Variants in GPATCH8 observed in about 807,000 individuals in gnomAD.
The protein encoded by GPATCH8 is G patch domain-containing protein 8.
A neutral mutation model predicts 118.3 loss-of-function variants in GPATCH8; 18 were observed. That is an observed-to-expected ratio of 0.15 (90% CI 0.11 to 0.23). The LOEUF (loss-of-function observed/expected upper bound fraction) is 0.23, where lower values mean the gene tolerates loss of function less well. GPATCH8 is among the 10% of genes least tolerant of loss of function. The probability of loss-of-function intolerance (pLI) is 1.00; values close to 1 mark genes in which losing one functional copy is unlikely to be tolerated. For synonymous variants in GPATCH8, 659 were observed against 684.7 expected, an observed-to-expected ratio of 0.96 and a Z score of 0.59; for missense variants, 1,631 against 1,873.8, an observed-to-expected ratio of 0.87 and a Z score of 2.39.
chr17:44,499,325 C>G (rs925470837), intron 1 of GPATCH8, among the ~76,000 whole-genome samples: 6 of 152,116 alleles, frequency 3.9e-5, no homozygotes, highest in African/African-American at 1.4e-4. Context: ...AAAAAATTAG[C>G]TGGACATGGT....
At position 44,399,519 on chromosome 17, in the gene GPATCH8, C is replaced by T. The variant is rs111563656; in HGVS notation, c.2558G>A (p.Arg853His). The T allele has an allele frequency of 2.0e-4, 323 of 1,614,210 alleles. No homozygotes were observed. In the African/African-American group the frequency reaches 3.7e-3, roughly 18 times the overall value. The change falls in exon 8 of 8, where the codon CGC becomes CAC. Residue 853 changes from arginine to histidine, a missense_variant. Around this residue, in one of 8 missense-constraint regions of GPATCH8, gnomAD observed 922 missense variants for 879.7 expected, o/e 1.05. Coordinates refer to ENST00000591680, the MANE Select transcript of GPATCH8 (RefSeq NM_001002909.4). ...EDSGSEHSRS[R>H]SRSGRRHSSH... ...GGAATGGCGCCGGCCAGACCTTGAGCGGCTGCGGGAATGCTCACTGCCTGA... is the reference window on the plus strand; with the variant it reads ...GGAATGGCGCCGGCCAGACCTTGAGTGGCTGCGGGAATGCTCACTGCCTGA...
chr17:44,477,611 T>G (rs1176866743), intron 1 of GPATCH8, among the ~76,000 whole-genome samples: 4 of 134,024 alleles, frequency 3.0e-5, no homozygotes, highest in African/African-American at 1.1e-4. Flanking sequence ...ATAATAAAAA[T>G]AAAATTGTAT....
chr17:44,416,227 T>G (rs2049678107), intron 6 of GPATCH8, among the ~76,000 whole-genome samples: 1 of 152,120 alleles, frequency 6.6e-6, no homozygotes, highest in Admixed American at 6.5e-5. Flanking sequence ...GCCAGGCTGG[T>G]CTCGAACTTC....
At chr17:44,433,162 A>T (rs563313608) in intron 5 of GPATCH8, among the ~76,000 whole-genome samples, 2 of 152,306 alleles carry the variant, frequency 1.3e-5, no homozygotes, top group South Asian at 4.1e-4. Context: ...GAGCATCTCA[A>T]GATACTATGT....
intron 6 of GPATCH8, among the ~76,000 whole-genome samples, chr17:44,421,720 CTTTT>C (rs778794771): frequency 1.5e-4 from 22 of 147,072 alleles, no homozygotes; most frequent in Non-Finnish European, 3.0e-4. Context: ...ACCTTTCTTT[CTTTT>C]TCTTTTTTCT....
chr17:44,396,455 A>G lies in GPATCH8; in HGVS notation c.*1113T>C, dbSNP rs2048782199. On this transcript the variant is annotated 3_prime_UTR_variant, in exon 8 of 8. Coordinates refer to ENST00000591680, the MANE Select transcript of GPATCH8 (RefSeq NM_001002909.4). ...CACTACATACTGCAAATTACTTAAC[A>G]TTTTGTCCCAGCAAAAAATGTTTTA... The G allele has an allele frequency of 2.2e-6, 1 of 454,186 alleles. No homozygotes were observed. The highest frequency in any genetic ancestry group is 2.0e-5 in the African/African-American group (1 of 50,002). The allele number at this position is 454,186 out of a possible 1,614,324, so 28.1% of individuals were successfully genotyped here.
chr17:44,413,506 G>C (rs887909099), intron 6 of GPATCH8, among the ~76,000 whole-genome samples: 1 of 151,978 alleles, frequency 6.6e-6, no homozygotes, highest in Admixed American at 6.6e-5. Context: ...CCTTGAGACA[G>C]AGTCTCACTC....
chr17:44,442,097 G>GTA (rs1391503798), intron 3 of GPATCH8, among the ~76,000 whole-genome samples: 4 of 108,450 alleles, frequency 3.7e-5, no homozygotes, highest in African/African-American at 9.7e-5. Flanking sequence ...ATATGTATAC[G>GTA]TATATATATA....
rs2143595440 is a variant in GPATCH8 at position 44,398,931 on chromosome 17, T to C, written c.3146A>G (p.Lys1049Arg). 2 of 1,614,182 alleles carry C rather than the reference T, an allele frequency of 1.2e-6. No homozygotes were observed. The highest frequency in any genetic ancestry group is 1.1e-5 in the South Asian group (1 of 91,086). ...FRSGRGEGPG[K>R]KDDGRGDDSK... ...GTCATCTCCTCTGCCATCATCTTTC[T>C]TCCCAGGACCTTCTCCCCGGCCTGA... The change falls in exon 8 of 8, where the codon AAG (lysine) becomes AGG (arginine). Residue 1049 changes from lysine to arginine, a missense_variant. Physicochemically the swap from Lys to Arg is conservative, Grantham distance 26. This residue lies in a region of GPATCH8 where 922 missense variants were observed against 879.7 expected (regional missense o/e 1.05). Coordinates refer to ENST00000591680, the MANE Select transcript of GPATCH8 (RefSeq NM_001002909.4).
intron 1 of GPATCH8, among the ~76,000 whole-genome samples, chr17:44,476,379 T>C (rs1000211150): frequency 1.2e-4 from 18 of 152,122 alleles, no homozygotes; most frequent in Admixed American, 9.2e-4. Flanking sequence ...TAATTTTTTG[T>C]ATTTTAGTAG....
At chr17:44,496,320 T>A (rs1188319128) in intron 1 of GPATCH8, among the ~76,000 whole-genome samples, 1 of 152,254 alleles carries the variant, frequency 6.6e-6, no homozygotes, top group African/African-American at 2.4e-5. Context: ...AGACAGGTAC[T>A]GACTTTTCCA....
chr17:44,501,620 C>T (rs1360736230), intron 1 of GPATCH8, among the ~76,000 whole-genome samples: 1 of 152,096 alleles, frequency 6.6e-6, no homozygotes, highest in African/African-American at 2.4e-5. Flanking sequence ...GGCTAACCCC[C>T]TGAATGTTTT....
At chr17:44,498,399 T>C (rs1235874987) in intron 1 of GPATCH8, among the ~76,000 whole-genome samples, 1 of 152,168 alleles carries the variant, frequency 6.6e-6, no homozygotes, top group African/African-American at 2.4e-5. Context: ...CCCCAATCTT[T>C]CCTAATTACA....
intron 1 of GPATCH8, among the ~76,000 whole-genome samples, chr17:44,494,193 T>TCTA (rs1400716966): frequency 6.6e-6 from 1 of 152,104 alleles, no homozygotes; most frequent in African/African-American, 2.4e-5. Context: ...CCCATCAGAA[T>TCTA]CTACAATCCA....
At chr17:44,493,417 C>T (rs1331065456) in intron 1 of GPATCH8, among the ~76,000 whole-genome samples, 1 of 152,166 alleles carries the variant, frequency 6.6e-6, no homozygotes, top group Non-Finnish European at 1.5e-5. Context: ...CTTTAATAAG[C>T]ATACCAACTA....
In GPATCH8 at chr17:44,453,500, G is replaced by GTGTGTGTGTGTGTGTGTGTGTGTGTGTGT. The variant is rs1568011427; in HGVS notation, c.193+10971_193+10972insACACACACACACACACACACACACACACA. On this transcript the variant is annotated intron_variant, in intron 3 of 7. Transcript: ENST00000591680. ...AGTTGTAGGTAGGTAGGTAGGTAGG[G>GTGTGTGTGTGTGTGTGTGTGTGTGTGTGT]GTGTGTGTGTGTGTGTGTGTGTGTG... Among the ~76,000 whole-genome samples the GTGTGTGTGTGTGTGTGTGTGTGTGTGTGT allele has an allele frequency of 2.5e-4, 36 of 142,770 alleles. No individual in the cohort carries two copies. The East Asian group carries it at 3.1e-3, about 12-fold the overall frequency. The allele number at this position is 142,770 out of a possible 152,430, so 93.7% of individuals were successfully genotyped here. A position where few individuals can be genotyped will look rare whatever the true frequency, so the allele number is the denominator to read the frequency against.
chr17:44,474,859 T>C lies in GPATCH8; in HGVS notation c.90A>G (p.Glu30=). 1 of 1,581,252 alleles carries C rather than the reference T, an allele frequency of 6.3e-7. No homozygotes were observed. Among genetic ancestry groups the C allele is most frequent in the South Asian group, 1.1e-5 (1 of 90,338 alleles). The part of the protein sequence containing the change: ...DQYEEGHLEI[E]QASLDKPIES... ...CTATAGGCTTGTCAAGTGACGCTTGTTCAATTTCCAAGTGTCCTTCCTCAT... is the reference window on the plus strand; with the variant it reads ...CTATAGGCTTGTCAAGTGACGCTTGCTCAATTTCCAAGTGTCCTTCCTCAT... Residue 30 remains glutamate (E), a synonymous_variant, in exon 2 of 8, where the codon GAA becomes GAG. Transcript: ENST00000591680.
chr17:44,454,829 T>C (rs2144215698), intron 3 of GPATCH8, among the ~76,000 whole-genome samples: 1 of 152,352 alleles, frequency 6.6e-6, no homozygotes. Flanking sequence ...TTATATTTAT[T>C]CCATTAAAAA....
intron 3 of GPATCH8, among the ~76,000 whole-genome samples, chr17:44,440,329 T>C (rs548007360): frequency 6.6e-6 from 1 of 152,198 alleles, no homozygotes; most frequent in Non-Finnish European, 1.5e-5. Flanking sequence ...AAATCAAGAA[T>C]ATGCCAATAT....
Sources: gnomAD v4.1 joint callset for allele counts (sites outside exome capture counted in the v4.1 genomes callset) on GRCh38, gnomAD v4.1.1 for gene constraint, gnomAD v4.1.1 regional missense constraint, MANE v1.5 for transcripts, NCBI Gene and HGNC (gene_info 2026-07-23, HGNC 2026-07-21) for gene names.